The following MYOF variants were observed in gnomAD, a reference collection of about 807,000 sequenced individuals.
MYOF encodes the protein fer-1-like 3, myoferlin.
Under a neutral mutation model 284.2 loss-of-function variants are expected in MYOF, and 244 were observed. That is an observed-to-expected ratio of 0.86 (90% confidence interval 0.77 to 0.95). The LOEUF is 0.95. Ranked by LOEUF, MYOF falls within the 40% of genes least tolerant of loss-of-function variation. MYOF has a pLI of 0.00. For synonymous variants in MYOF, 904 were observed against 919.7 expected (o/e 0.98, Z 0.31); for missense variants, 2,496 against 2,560.6 (o/e 0.97, Z 0.54).
chr10:93,315,293 C>G (rs1396053172), intron 50 of MYOF, among the ~76,000 whole-genome samples: 3 of 152,136 alleles, frequency 2.0e-5, no homozygotes, highest in Non-Finnish European at 4.4e-5. Flanking sequence ...TCAGGGGCTA[C>G]TGTAACATGT....
At chr10:93,397,485 G>A (rs568740678) in intron 13 of MYOF, 29 bp from the exon 14 acceptor site, 21 of 1,545,918 alleles carry the variant, frequency 1.4e-5, no homozygotes, top group African/African-American at 1.3e-4. Flanking sequence ...AAAAGTGTAG[G>A]TTTTCAAGTT....
At chr10:93,322,813 G>T (rs1421702137) in intron 48 of MYOF, among the ~76,000 whole-genome samples, 3 of 152,072 alleles carry the variant, frequency 2.0e-5, no homozygotes, top group Non-Finnish European at 4.4e-5. Flanking sequence ...AGAAACTGAA[G>T]AAAATCCATT....
intron 45 of MYOF, among the ~76,000 whole-genome samples, chr10:93,327,243 T>C (rs1298956258): frequency 6.6e-6 from 1 of 152,046 alleles, no homozygotes; most frequent in Non-Finnish European, 1.5e-5. Flanking sequence ...CAGCTGTGTG[T>C]GTGGACCACC....
intron 3 of MYOF, among the ~76,000 whole-genome samples, chr10:93,444,750 G>T (rs558693081): frequency 6.6e-6 from 1 of 152,196 alleles, no homozygotes; most frequent in Non-Finnish European, 1.5e-5. Flanking sequence ...GTGTGTCCAC[G>T]TGTGCATACA....
Position 93,378,449 on chromosome 10 carries a change from T to C in MYOF, c.2002-1020A>G, listed in dbSNP as rs79142204. Among the ~76,000 whole-genome samples the C allele has an allele frequency of 3.3e-3, 507 of 152,182 alleles. 7 individuals carry two copies. The highest frequency in any genetic ancestry group is 0.012 in the African/African-American group (490 of 41,514). On this transcript the variant is annotated intron_variant, in intron 21 of 53. Coordinates refer to ENST00000359263, the MANE Select transcript of MYOF (RefSeq NM_013451.4). Reference sequence around the variant, plus strand: ...TTATGATTAAGTCAATTTAAACCTATAGTTATCCTCCCAGATTGCCTTTAT... The same window carrying C: ...TTATGATTAAGTCAATTTAAACCTACAGTTATCCTCCCAGATTGCCTTTAT...
intron 25 of MYOF, among the ~76,000 whole-genome samples, chr10:93,367,819 T>G (rs1386756923): frequency 6.7e-6 from 1 of 149,402 alleles, no homozygotes; most frequent in Admixed American, 6.7e-5. Flanking sequence ...ATCTCGGGGG[T>G]GGGGGGGAAT....
chr10:93,317,533 A>G (rs1380465096), intron 49 of MYOF, among the ~76,000 whole-genome samples: 1 of 152,154 alleles, frequency 6.6e-6, no homozygotes, highest in Non-Finnish European at 1.5e-5. Flanking sequence ...GCTACCTGGG[A>G]GGCTGAGGCA....
At chr10:93,394,446 G>T (rs1420571954) in intron 16 of MYOF, among the ~76,000 whole-genome samples, 187 of 33,420 alleles carry the variant, frequency 5.6e-3, no homozygotes, top group South Asian at 9.4e-3. Context: ...TCACCATCTT[G>T]TCTTTTTTTT....
intron 5 of MYOF, among the ~76,000 whole-genome samples, chr10:93,410,480 C>T (rs1311072652): frequency 1.3e-5 from 2 of 152,128 alleles, no homozygotes; most frequent in African/African-American, 2.4e-5. Context: ...TCAGGCTCCC[C>T]AAATGTCTCC....
At chr10:93,468,521 G>C (rs1301797198) in intron 1 of MYOF, among the ~76,000 whole-genome samples, 1 of 152,232 alleles carries the variant, frequency 6.6e-6, no homozygotes, top group African/African-American at 2.4e-5. Context: ...ATGGTATCAA[G>C]AGAAAATAAA....
At chr10:93,451,828 C>T (rs563459224) in intron 3 of MYOF, among the ~76,000 whole-genome samples, 5 of 152,154 alleles carry the variant, frequency 3.3e-5, no homozygotes, top group African/African-American at 1.2e-4. Context: ...CTAGGTGGCT[C>T]GGTGTTTGCA....
intron 46 of MYOF, chr10:93,323,751 A>C (rs1228964778): frequency 4.4e-5 from 8 of 181,416 alleles, no homozygotes; most frequent in Non-Finnish European, 1.1e-5. Flanking sequence ...ACAATGACTT[A>C]AAATTGGGTC....
chr10:93,317,745 C>A (rs1333549613), intron 49 of MYOF, among the ~76,000 whole-genome samples: 1 of 152,230 alleles, frequency 6.6e-6, no homozygotes, highest in Admixed American at 6.5e-5. Flanking sequence ...AAGTGTCCTT[C>A]AAGTTCTTGC....
In MYOF at chr10:93,350,520, C is replaced by T. The variant is rs1054935741; in HGVS notation, c.3922-551G>A. On this transcript the variant is annotated intron_variant, in intron 35 of 53. Transcript: ENST00000359263. ...TAGAGGCAGGGTTCCACCATGTTGACCGGGTTGGCCTCGAACTCCTGACTT... is the reference window on the plus strand; with the variant it reads ...TAGAGGCAGGGTTCCACCATGTTGATCGGGTTGGCCTCGAACTCCTGACTT... Among the ~76,000 whole-genome samples the T allele has an allele frequency of 2.6e-5, 4 of 152,128 alleles. No homozygotes were observed. The South Asian group carries it at 8.3e-4, about 32-fold the overall frequency.
In MYOF at chr10:93,313,638, C is replaced by T. The variant is rs190431737; in HGVS notation, c.5699-428G>A. Among the ~76,000 whole-genome samples, 27 of 152,096 alleles carry T rather than the reference C, an allele frequency of 1.8e-4. No homozygotes were observed. In the East Asian group the frequency reaches 4.3e-3, roughly 24 times the overall value. On this transcript the variant is annotated intron_variant, in intron 50 of 53. Transcript: ENST00000359263. ...GATGCTGGCTGGGCAAAGTGGCTCA[C>T]GGCTGTAATCCTAGCACTTTGGGAG...
intron 16 of MYOF, among the ~76,000 whole-genome samples, chr10:93,395,160 C>T (rs977042493): frequency 6.6e-6 from 1 of 151,976 alleles, no homozygotes; most frequent in African/African-American, 2.4e-5. Flanking sequence ...AAATAAGCTC[C>T]TGGGCTGGAC....
chr10:93,348,895 C>T (rs1473630052), intron 36 of MYOF, among the ~76,000 whole-genome samples: 1 of 152,178 alleles, frequency 6.6e-6, no homozygotes, highest in African/African-American at 2.4e-5. Flanking sequence ...AGGACATAGT[C>T]ACTGTGGTAT....
chr10:93,388,603 C>T (rs1302297817), intron 18 of MYOF, among the ~76,000 whole-genome samples: 1 of 152,230 alleles, frequency 6.6e-6, no homozygotes, highest in African/African-American at 2.4e-5. Flanking sequence ...ACCTAAAAGA[C>T]ATTTGGCTTC....
At chr10:93,333,628 C>T in intron 42 of MYOF, 130 bp downstream of exon 42, 1 of 1,250,830 alleles carries the variant, frequency 8.0e-7, no homozygotes, top group Non-Finnish European at 1.1e-6. Context: ...CTCCTGAATA[C>T]ATTGTTTTGA....
Sources: allele counts gnomAD v4.1 joint callset (sites outside exome capture counted in the v4.1 genomes callset), GRCh38; gene constraint gnomAD v4.1.1; transcripts MANE v1.5; gene names NCBI Gene and HGNC (gene_info 2026-07-23, HGNC 2026-07-21).